UST: variants seen among roughly 807,000 people sequenced by gnomAD.
The protein encoded by UST is chondroitin sulfate 2-O-sulfotransferase.
In UST, 21 loss-of-function variants were observed where a neutral mutation model predicts 45.6. That is an observed-to-expected ratio of 0.46 (90% CI 0.33 to 0.66). The LOEUF is 0.66. Among genes scored for constraint, UST ranks in the 30% least tolerant of loss-of-function variants. The pLI is 0.02. For synonymous variants in UST, 215 were observed against 200.6 expected (o/e 1.07, Z -0.61); for missense variants, 463 against 512.4 (o/e 0.90, Z 0.93).
In UST at chr6:148,807,358, G is replaced by A. The variant is rs754800262; in HGVS notation, c.247+59681G>A. On this transcript the variant is annotated intron_variant, in intron 1 of 7. Coordinates refer to ENST00000367463, the MANE Select transcript of UST (RefSeq NM_005715.3). ...TTTAGGCCTTCAAAGGAGGAATCAA[G>A]GAATGGAGGAAAAGCCAGGCCTGTG... is the stretch of plus-strand genomic sequence containing the variant. 2.6e-5 allele frequency among the ~76,000 whole-genome samples: 4 copies of A among 152,118 alleles called. No homozygotes were observed. In the South Asian group the frequency reaches 6.2e-4, roughly 24 times the overall value.
intron 1 of UST, among the ~76,000 whole-genome samples, chr6:148,769,409 A>G (rs780518154): frequency 6.6e-6 from 1 of 152,250 alleles, no homozygotes; most frequent in Non-Finnish European, 1.5e-5. Context: ...GGGATGTTTC[A>G]TATCACAAGA....
chr6:149,010,895 C>CAAAAAAAAAAA lies in UST; in HGVS notation c.682-8230_682-8220dup, dbSNP rs1172538648. 7.3e-3 allele frequency among the ~76,000 whole-genome samples: 476 copies of CAAAAAAAAAAA among 65,282 alleles called. 10 individuals carry two copies. Among genetic ancestry groups the CAAAAAAAAAAA allele is most frequent in the Non-Finnish European group, 8.3e-3 (297 of 35,890 alleles). The allele number at this position is 65,282 out of a possible 152,430, so 42.8% of individuals were successfully genotyped here. A position where few individuals can be genotyped will look rare whatever the true frequency, so the allele number is the denominator to read the frequency against. ...AGACAGAGCAAGACTCCGTCTCAACCAAAAAAAAAAAAAAAAAAAAAAAAC... is the reference window on the plus strand; with the variant it reads ...AGACAGAGCAAGACTCCGTCTCAACCAAAAAAAAAAAAAAAAAAAAAAAAAAAAAAAAAAAC... On this transcript the variant is annotated intron_variant, in intron 5 of 7. Coordinates refer to ENST00000367463, the MANE Select transcript of UST (RefSeq NM_005715.3).
intron 7 of UST, among the ~76,000 whole-genome samples, chr6:149,041,861 C>G (rs1562337406): frequency 1.3e-5 from 2 of 152,196 alleles, no homozygotes; most frequent in Admixed American, 1.3e-4. Flanking sequence ...CTGTGGCCCA[C>G]TCCCCGAGGA....
In UST at chr6:148,748,431, G is replaced by T. The variant is rs912758572; in HGVS notation, c.247+754G>T. Reference sequence around the variant, plus strand: ...TGTGTGTGTGTGTGTGTGTGTGTGTGTGTGTGTGTGTGTGTGTGTGTGGTT... The same window carrying T: ...TGTGTGTGTGTGTGTGTGTGTGTGTTTGTGTGTGTGTGTGTGTGTGTGGTT... On this transcript the variant is annotated intron_variant, in intron 1 of 7. Transcript: ENST00000367463. This position sits in a 1 kb window ranked among gnomAD's most constrained non-coding sequence, Gnocchi z 5.3. Among the ~76,000 whole-genome samples the T allele has an allele frequency of 2.0e-5, 3 of 151,070 alleles. No individual in the cohort carries two copies. The highest frequency in any genetic ancestry group is 4.4e-5 in the Non-Finnish European group (3 of 67,558).
Position 148,747,388 on chromosome 6 carries a change from T to C in UST, c.-43T>C. 7.3e-7 allele frequency: 1 copy of C among 1,369,524 alleles called. No homozygotes were observed. Among genetic ancestry groups the C allele is most frequent in the Non-Finnish European group, 9.5e-7 (1 of 1,055,860 alleles). 84.8% of individuals were successfully genotyped at this position (1,369,524 alleles called of 1,614,324 possible). A position where few individuals can be genotyped will look rare whatever the true frequency, so the allele number is the denominator to read the frequency against. ...TCCTCCTCGCGGCGGATGGGTGACC[T>C]TTTCCTGGCACGGGCAGGCTGTGGG... On this transcript the variant is annotated 5_prime_UTR_variant, in exon 1 of 8. Coordinates refer to ENST00000367463, the MANE Select transcript of UST (RefSeq NM_005715.3).
At chr6:149,071,267 C>G (rs915306616) in intron 7 of UST, among the ~76,000 whole-genome samples, 1 of 152,124 alleles carries the variant, frequency 6.6e-6, no homozygotes, top group African/African-American at 2.4e-5. Flanking sequence ...CTACTGAAGG[C>G]TTCAGAAGGT....
intron 1 of UST, among the ~76,000 whole-genome samples, chr6:148,822,448 C>T (rs1224115610): frequency 6.6e-6 from 1 of 152,030 alleles, no homozygotes; most frequent in Admixed American, 6.6e-5. Flanking sequence ...CTGGCCCTGA[C>T]CCCAAAAAGA....
chr6:148,850,148 T>C (rs1778077100), intron 1 of UST, among the ~76,000 whole-genome samples: 1 of 152,186 alleles, frequency 6.6e-6, no homozygotes, highest in Non-Finnish European at 1.5e-5. Flanking sequence ...TTTTGAAAAT[T>C]ATACTTTAGT....
In UST at chr6:148,872,282, A is replaced by G. The variant is rs187278065; in HGVS notation, c.248-14704A>G. 2.7e-3 allele frequency among the ~76,000 whole-genome samples: 407 copies of G among 152,254 alleles called. 2 individuals carry two copies. The highest frequency in any genetic ancestry group is 8.8e-3 in the African/African-American group (366 of 41,486). On this transcript the variant is annotated intron_variant, in intron 1 of 7. Coordinates refer to ENST00000367463, the MANE Select transcript of UST (RefSeq NM_005715.3). Reference sequence around the variant, plus strand: ...TAATATTTTGATGGTACACTGAAGTAAACTGGTGAGATGATGGTGTCTATA... The same window carrying G: ...TAATATTTTGATGGTACACTGAAGTGAACTGGTGAGATGATGGTGTCTATA...
At chr6:149,049,604 T>C (rs188620332) in intron 7 of UST, among the ~76,000 whole-genome samples, 11 of 152,332 alleles carry the variant, frequency 7.2e-5, no homozygotes, top group African/African-American at 2.4e-4. Flanking sequence ...AAAAATTATA[T>C]GGAAGCAGAA....
rs531414704 is a variant in UST, at chr6:149,049,737, C to T, written c.938-24096C>T. On this transcript the variant is annotated intron_variant, in intron 7 of 7. Transcript: ENST00000367463. The stretch of plus-strand genomic sequence containing the variant: ...TGAAAATGGGGCAAGTAAAGAACAT[C>T]ATTCTCGAGGGGGCAGCACAGTTGT... 6.6e-5 allele frequency among the ~76,000 whole-genome samples: 10 copies of T among 152,264 alleles called. No individual in the cohort carries two copies. The South Asian group carries it at 2.1e-3, about 32-fold the overall frequency.
At chr6:148,803,980 C>A (rs9390613) in intron 1 of UST, among the ~76,000 whole-genome samples, 2 of 152,030 alleles carry the variant, frequency 1.3e-5, no homozygotes, top group East Asian at 3.9e-4. Context: ...TTATGCACTT[C>A]GTGCGGCCAG....
chr6:149,046,421 T>C (rs1776396588), intron 7 of UST, among the ~76,000 whole-genome samples: 1 of 152,244 alleles, frequency 6.6e-6, no homozygotes, highest in South Asian at 2.1e-4. Flanking sequence ...GCTAGGAAGC[T>C]AAAAGCTGCT....
At chr6:148,888,816 A>G (rs1778957830) in intron 2 of UST, among the ~76,000 whole-genome samples, 2 of 152,218 alleles carry the variant, frequency 1.3e-5, no homozygotes, top group African/African-American at 4.8e-5. Context: ...AAACAAAACA[A>G]GAACAACAAC....
chr6:149,069,056 A>G (rs561404212), intron 7 of UST, among the ~76,000 whole-genome samples: 1 of 152,334 alleles, frequency 6.6e-6, no homozygotes, highest in South Asian at 2.1e-4. Flanking sequence ...ATCCATGTTG[A>G]TGCAAATGAC....
chr6:148,803,694 T>C (rs1777094684), intron 1 of UST, among the ~76,000 whole-genome samples: 1 of 151,924 alleles, frequency 6.6e-6, no homozygotes, highest in African/African-American at 2.4e-5. Context: ...CCCTCAGAGG[T>C]TTTCCCTGAC....
chr6:148,756,301 G>A (rs1351362468), intron 1 of UST, among the ~76,000 whole-genome samples: 1 of 151,970 alleles, frequency 6.6e-6, no homozygotes, highest in Non-Finnish European at 1.5e-5. Context: ...ATCCCCTTCT[G>A]CCATCATTGT....
intron 5 of UST, among the ~76,000 whole-genome samples, chr6:149,003,978 A>C (rs1401064294): frequency 6.6e-6 from 1 of 152,246 alleles, no homozygotes; most frequent in African/African-American, 2.4e-5. Flanking sequence ...CCTGATAATG[A>C]CATTATAGAC....
intron 1 of UST, among the ~76,000 whole-genome samples, chr6:148,844,298 G>A (rs1487210990): frequency 1.3e-5 from 2 of 152,208 alleles, no homozygotes; most frequent in Middle Eastern, 3.2e-3. Context: ...TATGTTACAA[G>A]CGAGGAAAGT....
Sources: gnomAD v4.1 joint callset for allele counts (sites outside exome capture counted in the v4.1 genomes callset) on GRCh38, gnomAD v4.1.1 for gene constraint, Gnocchi (gnomAD v3.1) non-coding constraint, MANE v1.5 for transcripts, NCBI Gene and HGNC (gene_info 2026-07-23, HGNC 2026-07-21) for gene names.